The following ITPRID1 variants were observed in gnomAD, a reference collection of about 807,000 sequenced individuals.
The protein encoded by ITPRID1 is ITPR interacting domain containing 1.
In ITPRID1, 96 loss-of-function variants were observed where a neutral mutation model predicts 95.4. The ratio of observed to expected loss-of-function variants is 1.01; its 90% confidence interval spans 0.85 to 1.19. The LOEUF (loss-of-function observed/expected upper bound fraction) is 1.19. ITPRID1 is among the 50% of genes most tolerant of loss of function. The pLI is 0.00. For synonymous variants in ITPRID1, 510 were observed against 453.6 expected, an observed-to-expected ratio of 1.12 and a Z score of -1.58; for missense variants, 1,339 against 1,252.9, an observed-to-expected ratio of 1.07 and a Z score of -1.04.
chr7:31,610,402 CAT>C (rs1347463452), intron 10 of ITPRID1, among the ~76,000 whole-genome samples: 2 of 151,602 alleles, frequency 1.3e-5, no homozygotes, highest in South Asian at 2.1e-4. Flanking sequence ...ACATGTAACA[CAT>C]AGTATAATGG....
chr7:31,627,004 T>A (rs2128187905), intron 10 of ITPRID1, among the ~76,000 whole-genome samples: 2 of 152,390 alleles, frequency 1.3e-5, no homozygotes, highest in Admixed American at 1.3e-4. Context: ...TTATGAATTA[T>A]GTATGTCTAA....
At chr7:31,597,124 G>A (rs977537687) in intron 10 of ITPRID1, among the ~76,000 whole-genome samples, 1 of 151,960 alleles carries the variant, frequency 6.6e-6, no homozygotes, top group Non-Finnish European at 1.5e-5. Flanking sequence ...CTCTCTGCAA[G>A]TAGGAATAAA....
In ITPRID1 at chr7:31,611,893, T is replaced by A. The variant is rs553720129; in HGVS notation, c.1228+28702T>A. ...TTTTGGTTCTGTACATTGTTTCTCA[T>A]CAAAATTGGGGAGTTTGGGGCCATT... On this transcript the variant is annotated intron_variant, in intron 10 of 14. Transcript: ENST00000615280. Among the ~76,000 whole-genome samples, 152 of 152,156 alleles carry A rather than the reference T, an allele frequency of 1.0e-3. 1 individual carries two copies. The highest frequency in any genetic ancestry group is 3.5e-3 in the African/African-American group (145 of 41,574).
In ITPRID1 at chr7:31,656,434, G is replaced by A; in HGVS notation, c.*3605G>A. ...TGTTTAATCCAATGTCCATCACGTAGTAAGTGTTCAATGCATGTTGGCTAT... is the reference window on the plus strand; with the variant it reads ...TGTTTAATCCAATGTCCATCACGTAATAAGTGTTCAATGCATGTTGGCTAT... On this transcript the variant is annotated 3_prime_UTR_variant, in exon 15 of 15. Coordinates refer to ENST00000615280, the MANE Select transcript of ITPRID1 (RefSeq NM_001257967.3). 1.3e-6 allele frequency: 1 copy of A among 792,454 alleles called. No homozygotes were observed. The highest frequency in any genetic ancestry group is 1.5e-6 in the Non-Finnish European group (1 of 653,982). The allele number at this position is 792,454 out of a possible 1,614,324, so 49.1% of individuals were successfully genotyped here. A position where few individuals can be genotyped will look rare whatever the true frequency, so the allele number is the denominator to read the frequency against.
In ITPRID1 at chr7:31,552,983, T is replaced by G. The variant is rs1440189210; in HGVS notation, c.-23-19T>G. Reference sequence around the variant, plus strand: ...CTGAACTCATCGTGTCTGATTTGTTTGTGTGTGTGTGTTTTAAGTTAGTTT... The same window carrying G: ...CTGAACTCATCGTGTCTGATTTGTTGGTGTGTGTGTGTTTTAAGTTAGTTT... On this transcript the variant is annotated intron_variant, in intron 2 of 14. Coordinates refer to ENST00000615280, the MANE Select transcript of ITPRID1 (RefSeq NM_001257967.3). The G allele has an allele frequency of 6.4e-6, 10 of 1,569,200 alleles. No homozygotes were observed. Among genetic ancestry groups the G allele is most frequent in the Non-Finnish European group, 8.7e-6 (10 of 1,154,674 alleles).
chr7:31,638,816 G>A (rs548099698), intron 10 of ITPRID1, among the ~76,000 whole-genome samples: 9 of 151,976 alleles, frequency 5.9e-5, no homozygotes, highest in Admixed American at 2.0e-4. Context: ...TTGCTCTGTC[G>A]CCCAGGCTGG....
At position 31,643,873 on chromosome 7, in the gene ITPRID1, T is replaced by C; in HGVS notation, c.2503T>C (p.Ser835Pro). 2 of 1,613,896 alleles carry C rather than the reference T, an allele frequency of 1.2e-6. No homozygotes were observed. Among genetic ancestry groups the C allele is most frequent in the Non-Finnish European group, 1.7e-6 (2 of 1,179,880 alleles). ...EPSVCRHCLC[S>P]LTGHQEAQFM... ...CTCAGTCTGTAGGCACTGCCTGTGT[T>C]CACTAACTGGTCACCAGGAAGCCCA... is the stretch of plus-strand genomic sequence containing the variant. Residue 835 changes from serine (S) to proline (P), a missense_variant, in exon 12 of 15, where the codon TCA becomes CCA. Physicochemically the swap from Ser to Pro is moderately conservative, Grantham distance 74. Transcript: ENST00000615280.
chr7:31,575,927 A>T (rs545293384), intron 8 of ITPRID1, among the ~76,000 whole-genome samples: 22 of 152,216 alleles, frequency 1.4e-4, no homozygotes, highest in Non-Finnish European at 2.4e-4. Context: ...AGGTTTTGCA[A>T]TGTAGTATTT....
chr7:31,655,892 G>C lies in ITPRID1; in HGVS notation c.*3063G>C, dbSNP rs1302588365. 1.0e-6 allele frequency: 1 copy of C among 985,346 alleles called. No individual in the cohort carries two copies. The highest frequency in any genetic ancestry group is 1.7e-5 in the African/African-American group (1 of 57,200). 61.0% of individuals were successfully genotyped at this position (985,346 alleles called of 1,614,324 possible). A position where few individuals can be genotyped will look rare whatever the true frequency, so the allele number is the denominator to read the frequency against. The stretch of plus-strand genomic sequence containing the variant: ...GAATGAAGAGGAACACCTGGCTCTA[G>C]GATGTCCCTCACCTGGCAGCCATCT... On this transcript the variant is annotated 3_prime_UTR_variant, in exon 15 of 15. Transcript: ENST00000615280.
intron 10 of ITPRID1, among the ~76,000 whole-genome samples, chr7:31,635,907 T>G (rs1237257309): frequency 6.6e-6 from 1 of 151,964 alleles, no homozygotes; most frequent in Non-Finnish European, 1.5e-5. Context: ...AACCTGCACA[T>G]CCTGCACACA....
intron 1 of ITPRID1, among the ~76,000 whole-genome samples, chr7:31,523,536 A>T (rs1310453870): frequency 6.6e-6 from 1 of 152,172 alleles, no homozygotes; most frequent in Non-Finnish European, 1.5e-5. Flanking sequence ...TTGAAATGGG[A>T]TTCCCAATGT....
At chr7:31,658,381 G>C (rs1791390097), downstream of ITPRID1, 1 of 1,506,444 alleles carries the variant, frequency 6.6e-7, no homozygotes, top group East Asian at 2.5e-5. Flanking sequence ...ACAAGACTCT[G>C]GTCTGTTGTA....
At chr7:31,551,395 A>C (rs1784281684) in intron 2 of ITPRID1, among the ~76,000 whole-genome samples, 1 of 143,976 alleles carries the variant, frequency 6.9e-6, no homozygotes, top group Admixed American at 7.0e-5. Context: ...TAGGAACATA[A>C]TTCAGTCTGC....
At chr7:31,634,888 T>C (rs1016612277) in intron 10 of ITPRID1, among the ~76,000 whole-genome samples, 3 of 152,092 alleles carry the variant, frequency 2.0e-5, no homozygotes, top group Non-Finnish European at 2.9e-5. Flanking sequence ...GCATATTGAG[T>C]GCCTAGGGAA....
intron 10 of ITPRID1, among the ~76,000 whole-genome samples, chr7:31,623,078 C>T (rs1191310199): frequency 6.6e-6 from 1 of 152,148 alleles, no homozygotes; most frequent in African/African-American, 2.4e-5. Context: ...TCTGAATAGG[C>T]CAATAACAGG....
intron 3 of ITPRID1, among the ~76,000 whole-genome samples, chr7:31,554,213 G>T (rs1298558939): frequency 6.6e-6 from 1 of 152,058 alleles, no homozygotes; most frequent in Non-Finnish European, 1.5e-5. Context: ...TTCTTCAGTG[G>T]TTTATTTTTC....
chr7:31,546,063 T>A (rs1784087061), intron 1 of ITPRID1, among the ~76,000 whole-genome samples: 1 of 152,128 alleles, frequency 6.6e-6, no homozygotes, highest in South Asian at 2.1e-4. Context: ...ACAGTCTATG[T>A]GGAGGCTAGA....
At chr7:31,587,267 A>G (rs1301549675) in intron 10 of ITPRID1, among the ~76,000 whole-genome samples, 1 of 152,178 alleles carries the variant, frequency 6.6e-6, no homozygotes, top group East Asian at 1.9e-4. Context: ...AATCTCCTTA[A>G]GCTGATAAGC....
chr7:31,543,608 G>C (rs1384463100), intron 1 of ITPRID1, among the ~76,000 whole-genome samples: 1 of 151,876 alleles, frequency 6.6e-6, no homozygotes, highest in African/African-American at 2.4e-5. Flanking sequence ...TTTCTGGTTA[G>C]ACTGTTTCAT....
Sources: allele counts gnomAD v4.1 joint callset (sites outside exome capture counted in the v4.1 genomes callset), GRCh38; gene constraint gnomAD v4.1.1; transcripts MANE v1.5; gene names NCBI Gene and HGNC (gene_info 2026-07-23, HGNC 2026-07-21).